The following SBF2 variants were observed in gnomAD, a reference collection of about 807,000 sequenced individuals.
SBF2 encodes the protein SET binding factor 2, also known as myotubularin-related protein 13.
SBF2 carries 112 observed loss-of-function variants against 225.2 expected under a neutral mutation model. The observed-to-expected ratio is 0.50, with a 90% confidence interval of 0.43 to 0.58. The LOEUF (loss-of-function observed/expected upper bound fraction) is 0.58. SBF2 is among the 20% of genes least tolerant of loss of function. SBF2 has a pLI of 0.00. For synonymous variants in SBF2, 763 were observed against 773.3 expected, an observed-to-expected ratio of 0.99 and a Z score of 0.22; for missense variants, 1,996 against 2,206.2, an observed-to-expected ratio of 0.90 and a Z score of 1.91.
In SBF2 at chr11:9,903,093, A is replaced by G. The variant is rs372114620; in HGVS notation, c.1861-7082T>C. Among the ~76,000 whole-genome samples the G allele has an allele frequency of 2.0e-4, 30 of 152,238 alleles. No homozygotes were observed. In the East Asian group the frequency reaches 3.7e-3, roughly 19 times the overall value. On this transcript the variant is annotated intron_variant, in intron 16 of 39. Coordinates refer to ENST00000256190, the MANE Select transcript of SBF2 (RefSeq NM_030962.4). ...TCCCAGCACTTTGGGAGGCTGAGGC[A>G]GGCGGATCACGAGGTCAGGAGATCA...
intron 1 of SBF2, among the ~76,000 whole-genome samples, chr11:10,269,895 G>C (rs1962330104): frequency 6.6e-6 from 1 of 152,084 alleles, no homozygotes. Flanking sequence ...CCAACTTGCT[G>C]GGATTACAGG....
chr11:10,085,362 C>A (rs1951524261), intron 2 of SBF2, among the ~76,000 whole-genome samples: 1 of 152,048 alleles, frequency 6.6e-6, no homozygotes. Flanking sequence ...TTTTCTGACC[C>A]CGTATTGAGT....
At chr11:9,924,993 CCCT>C (rs1484317972) in intron 16 of SBF2, among the ~76,000 whole-genome samples, 1 of 152,106 alleles carries the variant, frequency 6.6e-6, no homozygotes, top group Non-Finnish European at 1.5e-5. Context: ...AAGCAGTTCT[CCCT>C]CCTCAGCCTC....
At chr11:10,133,537 CACT>C (rs2135108652) in intron 2 of SBF2, among the ~76,000 whole-genome samples, 1 of 135,548 alleles carries the variant, frequency 7.4e-6, no homozygotes, top group Admixed American at 7.6e-5. Flanking sequence ...CCTCCGCAGC[CACT>C]GGCCTGGGTG....
intron 1 of SBF2, among the ~76,000 whole-genome samples, chr11:10,232,150 A>G (rs1223194758): frequency 1.3e-5 from 2 of 152,150 alleles, no homozygotes; most frequent in Non-Finnish European, 2.9e-5. Flanking sequence ...TGTTAAGCCC[A>G]TTGGAAAAGC....
Position 10,268,953 on chromosome 11 carries a change from TGAA to T in SBF2, c.55+25059_55+25061del, listed in dbSNP as rs570189865. 8.1e-4 allele frequency among the ~76,000 whole-genome samples: 124 copies of T among 152,330 alleles called. 1 individual carries two copies. The highest frequency in any genetic ancestry group is 2.8e-3 in the African/African-American group (117 of 41,576). On this transcript the variant is annotated intron_variant, in intron 1 of 39. Coordinates refer to ENST00000256190, the MANE Select transcript of SBF2 (RefSeq NM_030962.4). ...CAGCCCCTTAGCATCTTCGTCTTCATGAAGCTATGCAGTTTCCTCTGTTGTTTC... is the reference window on the plus strand; with the variant it reads ...CAGCCCCTTAGCATCTTCGTCTTCATGCTATGCAGTTTCCTCTGTTGTTTC...
intron 3 of SBF2, among the ~76,000 whole-genome samples, chr11:10,041,024 T>C (rs1189373543): frequency 2.6e-5 from 4 of 152,124 alleles, no homozygotes; most frequent in Non-Finnish European, 5.9e-5. Context: ...TGTCAGTTTG[T>C]CTAGAAGAAG....
chr11:10,235,770 G>A (rs796338137), intron 1 of SBF2, among the ~76,000 whole-genome samples: 7 of 152,176 alleles, frequency 4.6e-5, no homozygotes, highest in African/African-American at 1.7e-4. Context: ...AATCATTGCT[G>A]CATCTAGATA....
chr11:10,113,276 G>A (rs1952969210), intron 2 of SBF2, among the ~76,000 whole-genome samples: 2 of 152,170 alleles, frequency 1.3e-5, no homozygotes, highest in Admixed American at 1.3e-4. Flanking sequence ...TTACAGGCGT[G>A]AGCCACCACG....
intron 1 of SBF2, among the ~76,000 whole-genome samples, chr11:10,282,112 T>C (rs1333271176): frequency 6.6e-6 from 1 of 152,218 alleles, no homozygotes; most frequent in African/African-American, 2.4e-5. Context: ...TCCATAAGCC[T>C]ATTTTTAGTC....
rs560150366 is a variant in SBF2, at chr11:10,042,781, T to C, written c.279+63A>G. On this transcript the variant is annotated intron_variant, in intron 3 of 39. Transcript: ENST00000256190. ...TTGCAGTTGTAACAAAAATATGGCA[T>C]ATAAAAAACATTCCTAAATGTTGTA... 3.2e-6 allele frequency: 5 copies of C among 1,559,652 alleles called. No individual in the cohort carries two copies. The Admixed American group carries it at 5.0e-5, about 16-fold the overall frequency.
At chr11:10,197,272 C>T (rs927489557) in intron 1 of SBF2, among the ~76,000 whole-genome samples, 1 of 152,162 alleles carries the variant, frequency 6.6e-6, no homozygotes, top group Non-Finnish European at 1.5e-5. Context: ...GATCTGGAAA[C>T]AATTACAGTC....
rs541283045 is a variant in SBF2, at chr11:10,228,865, T to C, written c.56-34878A>G. ...TTAGGGAGGATTCCCTCTTTTTCCA[T>C]TGATTGGAATAGTTTCAGAAGGAAT... is the stretch of plus-strand genomic sequence containing the variant. On this transcript the variant is annotated intron_variant, in intron 1 of 39. Transcript: ENST00000256190. Among the ~76,000 whole-genome samples the C allele has an allele frequency of 6.7e-3, 1,025 of 152,254 alleles. 9 individuals carry two copies. The highest frequency in any genetic ancestry group is 0.023 in the African/African-American group (971 of 41,558).
intron 13 of SBF2, among the ~76,000 whole-genome samples, chr11:9,980,761 G>A (rs978618487): frequency 1.3e-5 from 2 of 151,226 alleles, no homozygotes; most frequent in African/African-American, 4.9e-5. Flanking sequence ...TGTATTTTTT[G>A]TAGAGATGGG....
At chr11:10,126,178 G>A (rs1160050885) in intron 2 of SBF2, among the ~76,000 whole-genome samples, 1 of 152,052 alleles carries the variant, frequency 6.6e-6, no homozygotes, top group Non-Finnish European at 1.5e-5. Flanking sequence ...AACTGTGTAT[G>A]TTTAAAACTG....
chr11:9,886,283 G>A (rs1277694706), intron 17 of SBF2, among the ~76,000 whole-genome samples: 1 of 152,104 alleles, frequency 6.6e-6, no homozygotes, highest in Non-Finnish European at 1.5e-5. Flanking sequence ...AACTTCACCT[G>A]ATCTTCACAT....
At position 10,262,478 on chromosome 11, in the gene SBF2, T is replaced by C. The variant is rs548074586; in HGVS notation, c.55+31537A>G. 1.0e-3 allele frequency among the ~76,000 whole-genome samples: 155 copies of C among 152,282 alleles called. 1 individual carries two copies. Among genetic ancestry groups the C allele is most frequent in the African/African-American group, 3.5e-3 (146 of 41,562 alleles). The stretch of plus-strand genomic sequence containing the variant: ...GCCTTCTGAACCTAGTCTTACTGTC[T>C]AGAGCACTCACCTGGCAATATGATA... On this transcript the variant is annotated intron_variant, in intron 1 of 39. Transcript: ENST00000256190.
chr11:9,888,727 G>A (rs557685527), intron 17 of SBF2, among the ~76,000 whole-genome samples: 1 of 152,114 alleles, frequency 6.6e-6, no homozygotes, highest in East Asian at 1.9e-4. Flanking sequence ...AGTTTCTAGA[G>A]GTATGCTTCA....
chr11:10,184,068 T>C (rs1352772941), intron 2 of SBF2, among the ~76,000 whole-genome samples: 2 of 152,230 alleles, frequency 1.3e-5, no homozygotes, highest in African/African-American at 2.4e-5. Context: ...ATACATTGCA[T>C]ACATGTACTG....
Sources: gnomAD v4.1 joint callset for allele counts (sites outside exome capture counted in the v4.1 genomes callset) on GRCh38, gnomAD v4.1.1 for gene constraint, MANE v1.5 for transcripts, NCBI Gene and HGNC (gene_info 2026-07-23, HGNC 2026-07-21) for gene names.